Variants in EDNRB observed in about 807,000 individuals in gnomAD.
The protein encoded by EDNRB is endothelin receptor type B.
A neutral mutation model predicts 46.4 loss-of-function variants in EDNRB; 18 were observed. The observed-to-expected ratio is 0.39, with a 90% CI of 0.27 to 0.57. EDNRB has a LOEUF of 0.57. Among genes scored for constraint, EDNRB ranks in the 20% least tolerant of loss-of-function variants. The pLI, the probability that EDNRB is intolerant of heterozygous loss-of-function variation, is 0.61. For missense variants in EDNRB, 434 were observed against 537.5 expected, an observed-to-expected ratio of 0.81 and a Z score of 1.90; for synonymous variants, 213 against 204.9, an observed-to-expected ratio of 1.04 and a Z score of -0.34.
intron 1 of EDNRB, among the ~76,000 whole-genome samples, chr13:77,957,951 A>G (rs1443363480): frequency 6.6e-6 from 1 of 152,210 alleles, no homozygotes; most frequent in East Asian, 1.9e-4. Flanking sequence ...TTTTTGCTAT[A>G]TGTTAGAGTC....
At chr13:77,937,718 C>A (rs1263152016) in intron 1 of EDNRB, among the ~76,000 whole-genome samples, 2 of 151,848 alleles carry the variant, frequency 1.3e-5, no homozygotes, top group Non-Finnish European at 2.9e-5. Context: ...GGTGGAGGAG[C>A]AGAAGCTGAG....
intron 1 of EDNRB, among the ~76,000 whole-genome samples, chr13:77,931,057 C>T (rs539085036): frequency 2.6e-5 from 4 of 152,248 alleles, no homozygotes; most frequent in East Asian, 3.9e-4. Flanking sequence ...TTTTGAAAAG[C>T]GGCATCTAAA....
At chr13:77,929,325 A>G (rs1349004921) in intron 1 of EDNRB, among the ~76,000 whole-genome samples, 1 of 152,206 alleles carries the variant, frequency 6.6e-6, no homozygotes, top group Non-Finnish European at 1.5e-5. Context: ...AGATAAATGT[A>G]TAAGGTCTGG....
At chr13:77,957,294 C>T (rs182338607) in intron 1 of EDNRB, among the ~76,000 whole-genome samples, 5 of 152,128 alleles carry the variant, frequency 3.3e-5, no homozygotes, top group Admixed American at 6.5e-5. Flanking sequence ...AAAGTTCACA[C>T]CATGGGGTTT....
chr13:77,900,207 T>C (rs1385968335), intron 5 of EDNRB, among the ~76,000 whole-genome samples: 2 of 151,900 alleles, frequency 1.3e-5, no homozygotes, highest in Non-Finnish European at 2.9e-5. Context: ...TCTTTTAAAA[T>C]AAAATCTCAT....
intron 1 of EDNRB, among the ~76,000 whole-genome samples, chr13:77,937,337 C>T (rs868738442): frequency 3.3e-5 from 5 of 152,168 alleles, no homozygotes; most frequent in African/African-American, 9.7e-5. Flanking sequence ...TAATGCCTTC[C>T]TGGAGGTCTG....
Position 77,903,535 on chromosome 13 carries a change from C to T in EDNRB, c.556G>A (p.Gly186Arg). 1 of 1,612,904 alleles carries T rather than the reference C, an allele frequency of 6.2e-7. No homozygotes were observed. The highest frequency in any genetic ancestry group is 8.5e-7 in the Non-Finnish European group (1 of 1,179,314). Residue 186 changes from glycine to arginine, a missense_variant, in exon 2 of 7, where the codon GGA (glycine) becomes AGA (arginine). Transcript: ENST00000646607. ...GCACATAGACTCAGCACAGTGATTC[C>T]CACAGAGGCTTTCTGTATGAAAGGC... ...LVPFIQKASV[G>R]ITVLSLCALS...
chr13:77,916,721 T>C (rs937207578), intron 1 of EDNRB, among the ~76,000 whole-genome samples: 24 of 152,158 alleles, frequency 1.6e-4, no homozygotes. Context: ...TACATTCCAT[T>C]TTTTTCCCCT....
chr13:77,944,048 G>A (rs1880829900), intron 1 of EDNRB, among the ~76,000 whole-genome samples: 1 of 152,004 alleles, frequency 6.6e-6, no homozygotes, highest in Non-Finnish European at 1.5e-5. Flanking sequence ...GAAGTTCATG[G>A]GGGTGCTAAG....
At chr13:77,905,627 A>T (rs1299876000) in intron 1 of EDNRB, among the ~76,000 whole-genome samples, 1 of 151,960 alleles carries the variant, frequency 6.6e-6, no homozygotes, top group East Asian at 1.9e-4. Flanking sequence ...CTGTGATCAT[A>T]TTGAGTGAGG....
chr13:77,934,873 A>G lies in EDNRB; in HGVS notation c.-51-16249T>C, dbSNP rs193122125. Reference sequence around the variant, plus strand: ...ATTATGCCTGGTGGAACTGCCATCAATAAATCAAGCGTGATCAGGTTGAGG... The same window carrying G: ...ATTATGCCTGGTGGAACTGCCATCAGTAAATCAAGCGTGATCAGGTTGAGG... On this transcript the variant is annotated intron_variant, in intron 1 of 7. Coordinates refer to the EDNRB transcript ENST00000646948. 3.9e-5 allele frequency among the ~76,000 whole-genome samples: 6 copies of G among 152,288 alleles called. No individual in the cohort carries two copies. In the East Asian group the frequency reaches 5.8e-4, roughly 15 times the overall value.
chr13:77,918,581 C>T lies in EDNRB; in HGVS notation c.-8G>A, dbSNP rs536807171. 3.8e-6 allele frequency: 6 copies of T among 1,590,028 alleles called. No individual in the cohort carries two copies. The African/African-American group carries it at 6.8e-5, about 18-fold the overall frequency. On this transcript the variant is annotated 5_prime_UTR_variant, in exon 1 of 7. Coordinates refer to ENST00000646607, the MANE Select transcript of EDNRB (RefSeq NM_001122659.3). The surrounding 1 kb of genome is among the most constrained non-coding windows in gnomAD (Gnocchi z 4.5). ...ACTTGGAGGCGGCTGCATGCTGCTA[C>T]CTGCTCCAGAAGGCGTCCGGTGGCC...
chr13:77,898,165 A>G lies in EDNRB; in HGVS notation c.*35T>C, dbSNP rs771278497. 6.2e-7 allele frequency: 1 copy of G among 1,606,642 alleles called. No homozygotes were observed. Among genetic ancestry groups the G allele is most frequent in the Non-Finnish European group, 8.5e-7 (1 of 1,176,018 alleles). On this transcript the variant is annotated 3_prime_UTR_variant, in exon 7 of 7. Coordinates refer to ENST00000646607, the MANE Select transcript of EDNRB (RefSeq NM_001122659.3). ...TTTGTTTTAATGACTTCGGTCCAAT[A>G]TAAAGAAAATGAAATACAGTGAATA...
chr13:77,921,397 C>A (rs988224412), upstream of EDNRB, among the ~76,000 whole-genome samples: 1 of 152,176 alleles, frequency 6.6e-6, no homozygotes, highest in Non-Finnish European at 1.5e-5. Flanking sequence ...CATTAGACAC[C>A]TTTTCACAGT....
In EDNRB at chr13:77,945,146, G is replaced by A. The variant is rs185965200; in HGVS notation, c.-51-26522C>T. On this transcript the variant is annotated intron_variant, in intron 1 of 7. Transcript: ENST00000646948. ...CCTATGTTGACAATTTCAGTCTCAG[G>A]GTTGCATGGCTTCACTGAGGTGTAC... is the stretch of plus-strand genomic sequence containing the variant. Among the ~76,000 whole-genome samples, 11 of 152,184 alleles carry A rather than the reference G, an allele frequency of 7.2e-5. No homozygotes were observed. The East Asian group carries it at 1.9e-3, about 27-fold the overall frequency.
intron 1 of EDNRB, chr13:77,939,937 G>C (rs558933004): frequency 6.6e-6 from 1 of 151,764 alleles, no homozygotes; most frequent in Non-Finnish European, 1.5e-5. Flanking sequence ...TGGAGGTTGC[G>C]GCGAGTCGAG....
intron 1 of EDNRB, among the ~76,000 whole-genome samples, chr13:77,957,361 A>G (rs1566336959): frequency 6.6e-6 from 1 of 152,220 alleles, no homozygotes; most frequent in Admixed American, 6.5e-5. Context: ...CATTTAATAT[A>G]TTCATTAGAA....
chr13:77,964,674 T>C (rs762160329), intron 1 of EDNRB, among the ~76,000 whole-genome samples: 327 of 152,292 alleles, frequency 2.1e-3, no homozygotes, highest in Non-Finnish European at 3.5e-3. Flanking sequence ...ATATACCTAA[T>C]GTAAATGAAG....
Position 77,938,841 on chromosome 13 carries a change from A to C in EDNRB, c.-51-20217T>G, listed in dbSNP as rs138785073. Among the ~76,000 whole-genome samples the C allele has an allele frequency of 4.5e-3, 691 of 152,300 alleles. 6 individuals are homozygous for C. Among genetic ancestry groups the C allele is most frequent in the African/African-American group, 0.016 (656 of 41,558 alleles). On this transcript the variant is annotated intron_variant, in intron 1 of 7. Transcript: ENST00000646948. ...AGAAGAGGCCACTTACCCGATTTAAAATTGGTGAGATGTTCCTTGGGCTGG... is the reference window on the plus strand; with the variant it reads ...AGAAGAGGCCACTTACCCGATTTAACATTGGTGAGATGTTCCTTGGGCTGG...
Sources: allele counts gnomAD v4.1 joint callset (sites outside exome capture counted in the v4.1 genomes callset), GRCh38; gene constraint gnomAD v4.1.1; non-coding constraint Gnocchi (gnomAD v3.1); transcripts MANE v1.5; gene names NCBI Gene and HGNC (gene_info 2026-07-23, HGNC 2026-07-21).